NFE2L2: variants seen among roughly 807,000 people sequenced by gnomAD.
NFE2L2 encodes NFE2 like bZIP transcription factor 2.
A neutral mutation model predicts 49.6 loss-of-function variants in NFE2L2; 20 were observed. That is an observed-to-expected ratio of 0.40 (90% CI 0.28 to 0.59). The LOEUF (loss-of-function observed/expected upper bound fraction) is 0.59. NFE2L2 is among the 20% of genes least tolerant of loss of function. NFE2L2 has a pLI of 0.40. For synonymous variants in NFE2L2, 244 were observed against 256.5 expected (o/e 0.95, Z 0.47); for missense variants, 578 against 714.2 (o/e 0.81, Z 2.17).
At chr2:177,254,402 A>G (rs1381223346) in intron 1 of NFE2L2, among the ~76,000 whole-genome samples, 1 of 152,210 alleles carries the variant, frequency 6.6e-6, no homozygotes, top group Non-Finnish European at 1.5e-5. Flanking sequence ...CCTACAAAAA[A>G]CAAGAAAGTA....
chr2:177,235,567 G>C (rs537514013), intron 1 of NFE2L2, among the ~76,000 whole-genome samples: 1 of 152,034 alleles, frequency 6.6e-6, no homozygotes, highest in South Asian at 2.1e-4. Flanking sequence ...TGGTGACTCA[G>C]GCCTGTAATC....
chr2:177,235,548 G>A (rs958449985), intron 1 of NFE2L2, among the ~76,000 whole-genome samples: 3 of 152,146 alleles, frequency 2.0e-5, no homozygotes, highest in African/African-American at 7.2e-5. Context: ...GATGAGGAGA[G>A]GCTGAGCTTG....
At chr2:177,250,863 G>C (rs1421827511) in intron 1 of NFE2L2, among the ~76,000 whole-genome samples, 3 of 152,214 alleles carry the variant, frequency 2.0e-5, no homozygotes, top group Non-Finnish European at 4.4e-5. Context: ...TCCTGCAATG[G>C]AAGGCCAAGA....
At chr2:177,252,102 C>T (rs538912039) in intron 1 of NFE2L2, among the ~76,000 whole-genome samples, 1 of 151,748 alleles carries the variant, frequency 6.6e-6, no homozygotes, top group Non-Finnish European at 1.5e-5. Flanking sequence ...ATTTCCTGTG[C>T]CCAGTTCACT....
intron 1 of NFE2L2, among the ~76,000 whole-genome samples, chr2:177,258,225 A>G (rs938721493): frequency 6.6e-6 from 1 of 152,268 alleles, no homozygotes; most frequent in Non-Finnish European, 1.5e-5. Flanking sequence ...GTATAGCCAT[A>G]CAATGGAATA....
chr2:177,260,302 T>C (rs980604270), intron 1 of NFE2L2, among the ~76,000 whole-genome samples: 7 of 152,222 alleles, frequency 4.6e-5, no homozygotes, highest in Non-Finnish European at 8.8e-5. Flanking sequence ...TTTCAGAAAG[T>C]GGCTGGACCA....
rs549321178 is a variant in NFE2L2 at position 177,255,674 on chromosome 2, C to T, written c.45+8858G>A. Among the ~76,000 whole-genome samples, 29 of 152,256 alleles carry T rather than the reference C, an allele frequency of 1.9e-4. 1 individual carries two copies. The South Asian group carries it at 5.8e-3, about 30-fold the overall frequency. ...TCCTGGGCTCAAGCTATTCTTCCAC[C>T]TTAGCCTCCCAAATAGCTACAATTG... On this transcript the variant is annotated intron_variant, in intron 1 of 4. Coordinates refer to ENST00000397062, the MANE Select transcript of NFE2L2 (RefSeq NM_006164.5).
At chr2:177,246,310 G>T (rs1021859409) in intron 1 of NFE2L2, among the ~76,000 whole-genome samples, 2 of 152,140 alleles carry the variant, frequency 1.3e-5, no homozygotes, top group African/African-American at 4.8e-5. Context: ...CCCATACTTT[G>T]TATGTCTTAC....
chr2:177,247,409 C>T (rs1690169593), intron 1 of NFE2L2, among the ~76,000 whole-genome samples: 1 of 152,102 alleles, frequency 6.6e-6, no homozygotes, highest in Non-Finnish European at 1.5e-5. Context: ...AGCCTGTAAT[C>T]CCAGCACTTT....
chr2:177,242,438 C>G (rs771762828), intron 1 of NFE2L2, among the ~76,000 whole-genome samples: 1 of 152,192 alleles, frequency 6.6e-6, no homozygotes, highest in Non-Finnish European at 1.5e-5. Context: ...CACACAAAGA[C>G]GTATTATTCA....
chr2:177,231,981 C>A lies in NFE2L2; in HGVS notation c.622G>T (p.Val208Phe), dbSNP rs1356445764. The change falls in exon 5 of 5, where the codon GTT becomes TTT. Residue 208 changes from valine to phenylalanine, a missense_variant. This residue lies in a region of NFE2L2 where 368 missense variants were observed against 384.6 expected (regional missense o/e 0.96). Coordinates refer to ENST00000397062, the MANE Select transcript of NFE2L2 (RefSeq NM_006164.5). ...QCLNIENDKL[V>F]ETTMVPSPEA... ...GGACTTGGAACCATGGTAGTCTCAA[C>A]CAGCTTGTCATTTTCAATATTAAGA... is the stretch of plus-strand genomic sequence containing the variant. 5.0e-6 allele frequency: 8 copies of A among 1,610,074 alleles called. No individual in the cohort carries two copies. Among genetic ancestry groups the A allele is most frequent in the Non-Finnish European group, 6.8e-6 (8 of 1,177,954 alleles).
intron 1 of NFE2L2, among the ~76,000 whole-genome samples, chr2:177,247,702 A>G (rs1427698982): frequency 1.3e-5 from 2 of 151,470 alleles, no homozygotes; most frequent in Middle Eastern, 3.4e-3. Context: ...AAAAAAAAAA[A>G]GAAAAAAGAA....
intron 1 of NFE2L2, among the ~76,000 whole-genome samples, chr2:177,257,497 T>C (rs1690567661): frequency 1.3e-5 from 2 of 152,238 alleles, no homozygotes; most frequent in African/African-American, 2.4e-5. Context: ...TTCCTGAATG[T>C]AGGTGTTAAC....
At chr2:177,261,662 GATA>G (rs935394120) in intron 1 of NFE2L2, among the ~76,000 whole-genome samples, 3 of 152,138 alleles carry the variant, frequency 2.0e-5, no homozygotes, top group African/African-American at 4.8e-5. Flanking sequence ...GGAAACCAGG[GATA>G]ATAATATTTC....
Position 177,232,576 on chromosome 2 carries a change from G to A in NFE2L2, c.410C>T (p.Ser137Leu), listed in dbSNP as rs763097686. Residue 137 changes from serine (S) to leucine (L), a missense_variant, in exon 4 of 5, where the codon TCG (serine) becomes TTG (leucine). Ser to Leu is a moderately radical substitution (Grantham distance 145, BLOSUM62 -2). Transcript: ENST00000397062. ...AGGAACAAGTGACTGAAACGTAGCC[G>A]AAGAAACCTAAAATTGATAAGGCAT... The part of the protein sequence containing the change: ...FPFVDDNEVS[S>L]ATFQSLVPDI... 50 of 1,613,544 alleles carry A rather than the reference G, an allele frequency of 3.1e-5. No individual in the cohort carries two copies. The highest frequency in any genetic ancestry group is 1.6e-4 in the Middle Eastern group (1 of 6,082).
rs1290887306 is a variant in NFE2L2, at chr2:177,231,339, A to G, written c.1264T>C (p.Cys422Arg). 2 of 1,614,254 alleles carry G rather than the reference A, an allele frequency of 1.2e-6. No homozygotes were observed. Among genetic ancestry groups the G allele is most frequent in the South Asian group, 1.1e-5 (1 of 91,090 alleles). ...AATTCTTTCTCTGGTGTGTTCTCACATTGGGCATCATGCACGTGAGTGCTC... is the reference window on the plus strand; with the variant it reads ...AATTCTTTCTCTGGTGTGTTCTCACGTTGGGCATCATGCACGTGAGTGCTC... The part of the protein sequence containing the change: ...GQSTHVHDAQ[C>R]ENTPEKELPV... Residue 422 changes from cysteine (C) to arginine (R), a missense_variant, in exon 5 of 5, where the codon TGT (cysteine) becomes CGT (arginine). Transcript: ENST00000397062.
chr2:177,232,674 C>G, intron 3 of NFE2L2, 91 bp from the exon 4 acceptor site: 1 of 1,267,284 alleles, frequency 7.9e-7, no homozygotes, highest in South Asian at 1.4e-5. Flanking sequence ...ATGGAATCAG[C>G]TGCAGTTCTG....
At chr2:177,262,966 C>T (rs769715716) in intron 1 of NFE2L2, among the ~76,000 whole-genome samples, 1 of 152,168 alleles carries the variant, frequency 6.6e-6, no homozygotes, top group African/African-American at 2.4e-5. Context: ...GGGAAAAAAG[C>T]ACAATTAATA....
intron 1 of NFE2L2, among the ~76,000 whole-genome samples, chr2:177,255,725 A>G (rs546493516): frequency 1.6e-4 from 24 of 152,020 alleles, no homozygotes; most frequent in Non-Finnish European, 2.4e-4. Context: ...GGATCCAGCT[A>G]ATTTTTTTAA....
Sources: allele counts gnomAD v4.1 joint callset (sites outside exome capture counted in the v4.1 genomes callset), GRCh38; gene constraint gnomAD v4.1.1; regional missense constraint gnomAD v4.1.1; transcripts MANE v1.5; gene names NCBI Gene and HGNC (gene_info 2026-07-23, HGNC 2026-07-21).